HTT: variants seen among roughly 807,000 people sequenced by gnomAD.
The protein encoded by HTT is huntington disease protein.
A neutral mutation model predicts 362.3 loss-of-function variants in HTT; 104 were observed. The observed-to-expected ratio is 0.29, with a 90% CI of 0.24 to 0.34. HTT has a LOEUF of 0.34. Among genes scored for constraint, HTT ranks in the 10% least tolerant of loss-of-function variants. HTT has a pLI of 1.00. For synonymous variants in HTT, 1,577 were observed against 1,548.7 expected, an observed-to-expected ratio of 1.02 and a Z score of -0.43; for missense variants, 3,301 against 3,928.6, an observed-to-expected ratio of 0.84 and a Z score of 4.27.
chr4:3,129,898 C>T (rs745878883), intron 12 of HTT, 26 bp from the exon 13 acceptor site: 1 of 1,613,876 alleles, frequency 6.2e-7, no homozygotes, highest in Admixed American at 1.7e-5. Context: ...CTTCAAAATT[C>T]TCACAGCCCC....
intron 64 of HTT, among the ~76,000 whole-genome samples, chr4:3,237,607 A>G (rs1003839025): frequency 6.6e-6 from 1 of 152,064 alleles, no homozygotes; most frequent in African/African-American, 2.4e-5. Context: ...GCAGCTGACC[A>G]CAGATTTCTC....
intron 6 of HTT, among the ~76,000 whole-genome samples, chr4:3,107,692 C>T (rs1484252493): frequency 4.6e-5 from 7 of 152,262 alleles, no homozygotes; most frequent in East Asian, 3.9e-4. Flanking sequence ...GATTTGTTTT[C>T]GGCGTACTAG....
chr4:3,112,692 G>A (rs1714819018), intron 6 of HTT, among the ~76,000 whole-genome samples: 2 of 152,148 alleles, frequency 1.3e-5, no homozygotes, highest in Admixed American at 6.5e-5. Context: ...TGGCTATTGC[G>A]AGCAGTGCTA....
chr4:3,221,984 G>A (rs1014886696), intron 53 of HTT, among the ~76,000 whole-genome samples: 1 of 152,246 alleles, frequency 6.6e-6, no homozygotes, highest in Admixed American at 6.5e-5. Flanking sequence ...GCAGCCAGCT[G>A]CACAGTCTCA....
intron 40 of HTT, among the ~76,000 whole-genome samples, chr4:3,193,150 C>A (rs544744808): frequency 3.5e-4 from 54 of 152,360 alleles, no homozygotes; most frequent in African/African-American, 1.3e-3. Context: ...CACGGCGCCA[C>A]AGAATCCTGG....
rs552488762 is a variant in HTT, at chr4:3,180,729, G to A, written c.4749+78G>A. 5.0e-5 allele frequency: 65 copies of A among 1,287,518 alleles called. No homozygotes were observed. In the South Asian group the frequency reaches 8.3e-4, roughly 16 times the overall value. The allele number at this position is 1,287,518 out of a possible 1,614,324, so 79.8% of individuals were successfully genotyped here. On this transcript the variant is annotated intron_variant, in intron 36 of 66. Coordinates refer to ENST00000355072, the MANE Select transcript of HTT (RefSeq NM_001388492.1). ...ATGGAAGGAAGTGCCATGTGGTAAC[G>A]CTCACTGTTAACTGTGTTACTTTGA...
Position 3,074,797 on chromosome 4 carries a change from G to A in HTT, c.-29G>A. ...GCCGCGAGTCGGCCCGAGGCCTCCG[G>A]GGACTGCCGTGCCGGGCGGGAGACC... On this transcript the variant is annotated 5_prime_UTR_variant, in exon 1 of 67. Transcript: ENST00000355072. 6.6e-7 allele frequency: 1 copy of A among 1,509,724 alleles called. No individual in the cohort carries two copies. The highest frequency in any genetic ancestry group is 8.8e-7 in the Non-Finnish European group (1 of 1,135,242). The allele number at this position is 1,509,724 out of a possible 1,614,324, so 93.5% of individuals were successfully genotyped here. A position where few individuals can be genotyped will look rare whatever the true frequency, so the allele number is the denominator to read the frequency against.
In HTT at chr4:3,230,080, C is replaced by T. The variant is rs1247683008; in HGVS notation, c.8265+38C>T. On this transcript the variant is annotated intron_variant, in intron 60 of 66. Coordinates refer to ENST00000355072, the MANE Select transcript of HTT (RefSeq NM_001388492.1). ...TGGCACAGAGGTTTCTGTGCTGAAG[C>T]CACGGGGGCCCATCTGCCTTGGGAC... 7 of 1,574,630 alleles carry T rather than the reference C, an allele frequency of 4.4e-6. No homozygotes were observed. The Admixed American group carries it at 8.4e-5, about 19-fold the overall frequency.
intron 9 of HTT, 90 bp downstream of exon 9, chr4:3,121,522 A>G (rs890718938): frequency 1.6e-5 from 13 of 816,060 alleles, no homozygotes; most frequent in Non-Finnish European, 2.4e-5. Flanking sequence ...TGTGCTAAGC[A>G]GTCTGCATTC....
At chr4:3,184,808 C>T (rs1718688343) in intron 37 of HTT, among the ~76,000 whole-genome samples, 1 of 151,966 alleles carries the variant, frequency 6.6e-6, no homozygotes, top group African/African-American at 2.4e-5. Context: ...CACAGTGGAC[C>T]CAGACTGGCT....
chr4:3,226,612 G>T (rs576112872), intron 57 of HTT, among the ~76,000 whole-genome samples: 2 of 152,350 alleles, frequency 1.3e-5, no homozygotes, highest in South Asian at 4.1e-4. Context: ...TGTGTCTTTC[G>T]CTCACCGGGT....
In HTT at chr4:3,122,253, T is replaced by C. The variant is rs562753884; in HGVS notation, c.1274-636T>C. On this transcript the variant is annotated intron_variant, in intron 9 of 66. Transcript: ENST00000355072. Reference sequence around the variant, plus strand: ...GTCCTGTCTGGCATGAGAGCTGCCTTTGGGAGCTGGATCCCAGCCTCTACC... The same window carrying C: ...GTCCTGTCTGGCATGAGAGCTGCCTCTGGGAGCTGGATCCCAGCCTCTACC... Among the ~76,000 whole-genome samples, 3 of 152,300 alleles carry C rather than the reference T, an allele frequency of 2.0e-5. No homozygotes were observed. In the South Asian group the frequency reaches 6.2e-4, roughly 32 times the overall value.
chr4:3,128,945 A>T (rs1715657810), intron 12 of HTT: 1 of 152,234 alleles, frequency 6.6e-6, no homozygotes, highest in Non-Finnish European at 1.5e-5. Context: ...TTTCCCGCCA[A>T]GTCCCTGGCA....
intron 1 of HTT, 107 bp downstream of exon 1, chr4:3,075,195 G>T: frequency 9.3e-7 from 1 of 1,071,612 alleles, no homozygotes; most frequent in Admixed American, 4.7e-5. Flanking sequence ...CCCCGGCCCC[G>T]CAGAGACAGA....
chr4:3,175,876 T>A (rs1263500835), intron 33 of HTT, among the ~76,000 whole-genome samples: 1 of 152,178 alleles, frequency 6.6e-6, no homozygotes, highest in East Asian at 1.9e-4. Context: ...TCTATTTCCT[T>A]CTAGACGTAA....
At chr4:3,203,917 A>C (rs1719715874) in intron 41 of HTT, 90 bp from the exon 42 acceptor site, 1 of 1,276,212 alleles carries the variant, frequency 7.8e-7, no homozygotes, top group Admixed American at 1.8e-5. Flanking sequence ...CTGTTTTAGA[A>C]CTAGAATTAA....
chr4:3,191,826 A>G (rs542599227), intron 40 of HTT, among the ~76,000 whole-genome samples: 3 of 152,350 alleles, frequency 2.0e-5, no homozygotes, highest in South Asian at 4.1e-4. Flanking sequence ...GGTGATGTCT[A>G]AAGTTGTCTG....
At chr4:3,084,319 C>G (rs775121394) in intron 1 of HTT, among the ~76,000 whole-genome samples, 1 of 147,406 alleles carries the variant, frequency 6.8e-6, no homozygotes, top group African/African-American at 2.5e-5. Flanking sequence ...ATACTTGTGT[C>G]TCAGTCTCCC....
chr4:3,168,826 A>G (rs1717832503), intron 29 of HTT, among the ~76,000 whole-genome samples: 2 of 152,174 alleles, frequency 1.3e-5, no homozygotes, highest in South Asian at 2.1e-4. Flanking sequence ...GCAAAGAGCC[A>G]TGATCATGCC....
Sources: gnomAD v4.1 joint callset for allele counts (sites outside exome capture counted in the v4.1 genomes callset) on GRCh38, gnomAD v4.1.1 for gene constraint, MANE v1.5 for transcripts, NCBI Gene and HGNC (gene_info 2026-07-23, HGNC 2026-07-21) for gene names.